The following CACNG7 variants were observed in gnomAD, a reference collection of about 807,000 sequenced individuals.
CACNG7 encodes calcium voltage-gated channel auxiliary subunit gamma 7.
A neutral mutation model predicts 26.3 loss-of-function variants in CACNG7; 9 were observed. That is an observed-to-expected ratio of 0.34 (90% CI 0.21 to 0.60). The LOEUF is 0.60. CACNG7 is among the 20% of genes least tolerant of loss of function. The pLI, the probability that CACNG7 is intolerant of heterozygous loss-of-function variation, is 0.81. For missense variants in CACNG7, 297 were observed against 380.4 expected, an observed-to-expected ratio of 0.78 and a Z score of 1.82; for synonymous variants, 170 against 157.0, an observed-to-expected ratio of 1.08 and a Z score of -0.62.
At chr19:53,931,478 G>A (rs892018477) in intron 4 of CACNG7, among the ~76,000 whole-genome samples, 8 of 151,824 alleles carry the variant, frequency 5.3e-5, no homozygotes, top group Non-Finnish European at 8.8e-5. Context: ...TTTGAGGTCA[G>A]GTGTTTGAGA....
Position 53,912,741 on chromosome 19 carries a change from G to C in CACNG7, c.-29-62G>C. On this transcript the variant is annotated intron_variant, in intron 1 of 5. Coordinates refer to ENST00000391767, the MANE Select transcript of CACNG7 (RefSeq NM_031896.5). This position sits in a 1 kb window ranked among gnomAD's most constrained non-coding sequence, Gnocchi z 4.6. ...CTAGGGCCCAGCATCCCGGGTTGCTGCATGGGGTCAAGCACTCTGGTCGGT... is the reference window on the plus strand; with the variant it reads ...CTAGGGCCCAGCATCCCGGGTTGCTCCATGGGGTCAAGCACTCTGGTCGGT... 1 of 1,338,978 alleles carries C rather than the reference G, an allele frequency of 7.5e-7. No individual in the cohort carries two copies. Among genetic ancestry groups the C allele is most frequent in the Non-Finnish European group, 1.0e-6 (1 of 954,544 alleles). The allele number at this position is 1,338,978 out of a possible 1,614,324, so 82.9% of individuals were successfully genotyped here.
chr19:53,914,432 C>T, intron 2 of CACNG7, 68 bp from the exon 3 acceptor site: 1 of 1,378,216 alleles, frequency 7.3e-7, no homozygotes, highest in Non-Finnish European at 1.0e-6. Context: ...TCTGTCCTGC[C>T]CCCACCCCCA....
intron 4 of CACNG7, among the ~76,000 whole-genome samples, chr19:53,925,412 A>G (rs1182843356): frequency 2.1e-5 from 3 of 143,358 alleles, no homozygotes; most frequent in Non-Finnish European, 4.5e-5. Flanking sequence ...AGGTCTGGTC[A>G]TTGGTGGAGT....
At chr19:53,917,809 T>C (rs189529027) in intron 4 of CACNG7, among the ~76,000 whole-genome samples, 323 of 151,648 alleles carry the variant, frequency 2.1e-3, no homozygotes, top group Non-Finnish European at 3.6e-3. Context: ...TTCACAGGAA[T>C]GGAAACAGAG....
intron 4 of CACNG7, among the ~76,000 whole-genome samples, chr19:53,920,839 C>T (rs1273169358): frequency 2.3e-4 from 15 of 65,604 alleles, no homozygotes; most frequent in East Asian, 7.8e-4. Flanking sequence ...TGTCCCCAGG[C>T]CTGGTATTGG....
In CACNG7 at chr19:53,915,349, C is replaced by G; in HGVS notation, c.284-16C>G. The stretch of plus-strand genomic sequence containing the variant: ...GATTCCCCCCTCACCCCTGTCTCTC[C>G]CCATCCCCTCCCCAGAGACAGTGCG... On this transcript the variant is annotated splice_polypyrimidine_tract_variant and intron_variant, in intron 3 of 5. Coordinates refer to ENST00000391767, the MANE Select transcript of CACNG7 (RefSeq NM_031896.5). The G allele has an allele frequency of 6.3e-7, 1 of 1,597,992 alleles. No homozygotes were observed. The highest frequency in any genetic ancestry group is 8.6e-7 in the Non-Finnish European group (1 of 1,165,400).
At chr19:53,924,091 T>G (rs1476476184) in intron 4 of CACNG7, among the ~76,000 whole-genome samples, 12 of 112,070 alleles carry the variant, frequency 1.1e-4, no homozygotes, top group African/African-American at 4.3e-4. Context: ...GGTGGAGTTG[T>G]CCCCAGGTCT....
chr19:53,928,379 C>G (rs1459884229), intron 4 of CACNG7, among the ~76,000 whole-genome samples: 2 of 152,116 alleles, frequency 1.3e-5, no homozygotes, highest in Non-Finnish European at 2.9e-5. Context: ...TCAAGCAATT[C>G]TCATGCCTCA....
chr19:53,923,837 T>G (rs2068992361), intron 4 of CACNG7, among the ~76,000 whole-genome samples: 2 of 124,952 alleles, frequency 1.6e-5, no homozygotes. Flanking sequence ...TGGTCATTGG[T>G]GGAGTTGCCC....
intron 4 of CACNG7, among the ~76,000 whole-genome samples, chr19:53,919,540 T>G (rs1412958761): frequency 7.1e-6 from 1 of 141,684 alleles, no homozygotes; most frequent in Non-Finnish European, 1.5e-5. Context: ...GCCTCAGGTC[T>G]GGTCATTGGT....
rs1020851711 is a variant in CACNG7 at position 53,939,182 on chromosome 19, C to A, written c.425-2288C>A. On this transcript the variant is annotated intron_variant, in intron 4 of 5. Coordinates refer to ENST00000391767, the MANE Select transcript of CACNG7 (RefSeq NM_031896.5). The surrounding 1 kb of genome is among the most constrained non-coding windows in gnomAD (Gnocchi z 4.2). ...CTGAGGCAGGAGAATCGCTTGAGTCCAGGAGGCAGAGGTTGCGGTGAGCCG... is the reference window on the plus strand; with the variant it reads ...CTGAGGCAGGAGAATCGCTTGAGTCAAGGAGGCAGAGGTTGCGGTGAGCCG... 6.6e-6 allele frequency among the ~76,000 whole-genome samples: 1 copy of A among 151,986 alleles called. No homozygotes were observed. The highest frequency in any genetic ancestry group is 2.4e-5 in the African/African-American group (1 of 41,368).
At chr19:53,925,102 T>C (rs929414099) in intron 4 of CACNG7, among the ~76,000 whole-genome samples, 4 of 103,158 alleles carry the variant, frequency 3.9e-5, no homozygotes, top group Non-Finnish European at 7.7e-5. Flanking sequence ...ATTGGTGGAC[T>C]TGCCTAGGGC....
At chr19:53,921,831 CTGGTCATTGGTGGAGTTGTCCCAGG>C (rs2068958487) in intron 4 of CACNG7, among the ~76,000 whole-genome samples, 1 of 91,192 alleles carries the variant, frequency 1.1e-5, no homozygotes, top group Admixed American at 9.6e-5. Context: ...TGCCCCAGGT[CTGGTCATTGGTGGAGTTGTCCCAGG>C]CTGGTCATTG....
chr19:53,922,127 C>CCTGGTCATTGGTGGAGTTGTCCCCAGGT (rs1568775155), intron 4 of CACNG7, among the ~76,000 whole-genome samples: 6 of 69,550 alleles, frequency 8.6e-5, no homozygotes, highest in East Asian at 4.0e-4. Flanking sequence ...TTGCCCCAGG[C>CCTGGTCATTGGTGGAGTTGTCCCCAGGT]CTGGTCATTG....
rs1360776773 is a variant in CACNG7, at chr19:53,915,005, C to CAA, written c.284-350_284-349dup. ...CAACTCACAGAGTGAGACTCTGTCT[C>CAA]AAAAAAAAAAATAAATAAAAGGAAG... On this transcript the variant is annotated intron_variant, in intron 3 of 5. Coordinates refer to ENST00000391767, the MANE Select transcript of CACNG7 (RefSeq NM_031896.5). Among the ~76,000 whole-genome samples the CAA allele has an allele frequency of 1.2e-3, 147 of 118,210 alleles. 3 individuals are homozygous for CAA. Among genetic ancestry groups the CAA allele is most frequent in the African/African-American group, 4.6e-3 (146 of 32,054 alleles). 77.6% of individuals were successfully genotyped at this position (118,210 alleles called of 152,430 possible).
intron 5 of CACNG7, 130 bp from the exon 6 acceptor site, chr19:53,941,906 C>T (rs1438069097): frequency 7.9e-7 from 1 of 1,271,856 alleles, no homozygotes. Context: ...GGCTGGAGCC[C>T]TGATCCTGGG....
At chr19:53,913,306 T>G (rs1220516472) in intron 2 of CACNG7, among the ~76,000 whole-genome samples, 3 of 150,798 alleles carry the variant, frequency 2.0e-5, no homozygotes, top group Non-Finnish European at 4.4e-5. Context: ...ATTTCAGTGC[T>G]GAATGGGCAA....
intron 4 of CACNG7, among the ~76,000 whole-genome samples, chr19:53,928,327 A>G (rs1212381930): frequency 1.3e-5 from 2 of 152,030 alleles, no homozygotes; most frequent in African/African-American, 4.8e-5. Context: ...GCTGGAGTGC[A>G]ATGGTGCAAT....
chr19:53,921,684 ACTTGCCCCAGGTCTGGTCATTGGTGG>A (rs2068955314), intron 4 of CACNG7, among the ~76,000 whole-genome samples: 1 of 99,996 alleles, frequency 1.0e-5, no homozygotes, highest in South Asian at 3.3e-4. Flanking sequence ...TCATTGGTGG[ACTTGCCCCAGGTCTGGTCATTGGTGG>A]AGCTGTCCCA....
Sources: allele counts gnomAD v4.1 joint callset (sites outside exome capture counted in the v4.1 genomes callset), GRCh38; gene constraint gnomAD v4.1.1; non-coding constraint Gnocchi (gnomAD v3.1); transcripts MANE v1.5; gene names NCBI Gene and HGNC (gene_info 2026-07-23, HGNC 2026-07-21).